Variants in ERC1 observed in about 807,000 individuals in gnomAD.
ERC1 encodes ELKS/RAB6-interacting/CAST family member 1, also known as RAB6 interacting protein 2.
In ERC1, 56 loss-of-function variants were observed where a neutral mutation model predicts 132.0. The observed-to-expected ratio is 0.42, with a 90% CI of 0.34 to 0.53. The LOEUF is 0.53. Ranked by LOEUF, ERC1 falls within the 20% of genes least tolerant of loss-of-function variation. The pLI, the probability that ERC1 is intolerant of heterozygous loss-of-function variation, is 0.03. For synonymous variants in ERC1, 478 were observed against 476.1 expected, an observed-to-expected ratio of 1.00 and a Z score of -0.05; for missense variants, 1,202 against 1,349.9, an observed-to-expected ratio of 0.89 and a Z score of 1.72.
chr12:1,191,024 A>T (rs370093529), intron 12 of ERC1, among the ~76,000 whole-genome samples: 1 of 151,904 alleles, frequency 6.6e-6, no homozygotes, highest in Non-Finnish European at 1.5e-5. Flanking sequence ...TTCCTATTCT[A>T]TAGTCATAGA....
intron 16 of ERC1, among the ~76,000 whole-genome samples, chr12:1,391,816 C>T (rs58235708): frequency 0.15 from 22,630 of 152,106 alleles, 3,251 homozygotes; most frequent in African/African-American, 0.37. Flanking sequence ...GAGTGGGCTC[C>T]TGTTGAAGCT....
chr12:1,133,997 T>A (rs989247886), intron 7 of ERC1, among the ~76,000 whole-genome samples: 8 of 152,178 alleles, frequency 5.3e-5, no homozygotes, highest in Non-Finnish European at 1.2e-4. Flanking sequence ...GTCTGGTGAG[T>A]TTGGGTTGGA....
intron 18 of ERC1, among the ~76,000 whole-genome samples, chr12:1,487,865 G>C (rs905044174): frequency 1.3e-5 from 2 of 152,028 alleles, no homozygotes; most frequent in Non-Finnish European, 1.5e-5. Flanking sequence ...AAGGCCAGGC[G>C]CGGTGACTCA....
At chr12:1,325,503 T>C (rs183684594) in intron 15 of ERC1, among the ~76,000 whole-genome samples, 283 of 152,304 alleles carry the variant, frequency 1.9e-3, no homozygotes, top group African/African-American at 6.3e-3. Context: ...GACAACTGAT[T>C]TTATTGGTAA....
chr12:1,154,601 AAAAT>A lies in ERC1; in HGVS notation c.1737+12821_1737+12824del, dbSNP rs1405303536. 2.0e-5 allele frequency among the ~76,000 whole-genome samples: 3 copies of A among 152,190 alleles called. No homozygotes were observed. In the East Asian group the frequency reaches 5.8e-4, roughly 29 times the overall value. ...TTAAACTAAAAAGCTTCTGTACAGC[AAAAT>A]AAATAATCAAAAGAGTAAATAGACC... On this transcript the variant is annotated intron_variant, in intron 8 of 18. Transcript: ENST00000360905.
At chr12:1,121,677 A>ATCTCTATCTGTGTC (rs56044523) in intron 7 of ERC1, among the ~76,000 whole-genome samples, 2 of 8,166 alleles carry the variant, frequency 2.4e-4, no homozygotes, top group Admixed American at 1.5e-3. Flanking sequence ...CTCTATCTCT[A>ATCTCTATCTGTGTC]TCTATCTCTA....
chr12:1,272,531 T>C (rs1209788534), intron 14 of ERC1, among the ~76,000 whole-genome samples: 2 of 152,248 alleles, frequency 1.3e-5, no homozygotes, highest in African/African-American at 2.4e-5. Flanking sequence ...TCACCTAATA[T>C]GTTGATCAGA....
intron 2 of ERC1, among the ~76,000 whole-genome samples, chr12:1,074,875 G>T (rs1941076104): frequency 6.6e-6 from 1 of 152,076 alleles, no homozygotes; most frequent in Non-Finnish European, 1.5e-5. Flanking sequence ...TGGTTAGTAA[G>T]CTCCAAATAA....
chr12:1,111,226 A>G (rs921107091), intron 5 of ERC1, among the ~76,000 whole-genome samples: 32 of 152,130 alleles, frequency 2.1e-4, no homozygotes, highest in African/African-American at 7.5e-4. Flanking sequence ...CCTTCCTTGT[A>G]TCCAAAGTCA....
At chr12:1,004,854 A>AT (rs754999759) in intron 1 of ERC1, among the ~76,000 whole-genome samples, 3,393 of 121,644 alleles carry the variant, frequency 0.028, 58 homozygotes, top group Non-Finnish European at 0.04. Flanking sequence ...GTGTGTATAA[A>AT]TTTTTTTTTT....
intron 15 of ERC1, among the ~76,000 whole-genome samples, chr12:1,309,928 T>A (rs2081167459): frequency 6.7e-6 from 1 of 149,098 alleles, no homozygotes; most frequent in African/African-American, 2.5e-5. Context: ...GGGGATTTGT[T>A]TTCTTTTGTT....
chr12:1,405,178 AAT>A (rs1187499548), intron 16 of ERC1, among the ~76,000 whole-genome samples: 7 of 147,032 alleles, frequency 4.8e-5, no homozygotes, highest in Non-Finnish European at 1.0e-4. Flanking sequence ...TAAATAAATA[AAT>A]ATAAATAAAA....
intron 18 of ERC1, among the ~76,000 whole-genome samples, chr12:1,465,342 A>C (rs1250795944): frequency 6.6e-6 from 1 of 152,184 alleles, no homozygotes; most frequent in African/African-American, 2.4e-5. Context: ...TTTCTTCCAA[A>C]CTTTTAAATT....
chr12:1,161,333 A>G (rs961818508), intron 8 of ERC1, among the ~76,000 whole-genome samples: 3 of 152,180 alleles, frequency 2.0e-5, no homozygotes, highest in Non-Finnish European at 4.4e-5. Flanking sequence ...GGGGCATCTA[A>G]GCCTGGAGAG....
intron 17 of ERC1, chr12:1,410,489 T>G: frequency 9.6e-7 from 1 of 1,039,574 alleles, no homozygotes; most frequent in Non-Finnish European, 1.3e-6. Flanking sequence ...AGAAATGGTT[T>G]TTGTTTGTTT....
chr12:1,080,795 T>C (rs1942076908), intron 2 of ERC1, among the ~76,000 whole-genome samples: 1 of 152,198 alleles, frequency 6.6e-6, no homozygotes, highest in Admixed American at 6.5e-5. Context: ...AAGTGCCTTT[T>C]GCCTCATACC....
At chr12:1,152,802 T>C in intron 8 of ERC1, 1 of 154,476 alleles carries the variant, frequency 6.5e-6, no homozygotes. Context: ...TGTGATGGTC[T>C]ATGTGATGCT....
chr12:1,438,235 T>C (rs940510366), intron 17 of ERC1, among the ~76,000 whole-genome samples: 1 of 152,330 alleles, frequency 6.6e-6, no homozygotes, highest in East Asian at 1.9e-4. Flanking sequence ...TAAGAAGATA[T>C]CTTAGTTATT....
At chr12:1,471,265 A>G (rs2093854628) in intron 18 of ERC1, among the ~76,000 whole-genome samples, 1 of 152,236 alleles carries the variant, frequency 6.6e-6, no homozygotes, top group Admixed American at 6.5e-5. Flanking sequence ...TCTCTAAAAA[A>G]TTAGAGAGGT....
Sources: gnomAD v4.1 joint callset for allele counts (sites outside exome capture counted in the v4.1 genomes callset) on GRCh38, gnomAD v4.1.1 for gene constraint, MANE v1.5 for transcripts, NCBI Gene and HGNC (gene_info 2026-07-23, HGNC 2026-07-21) for gene names.